The following SNRNP48 variants were observed in gnomAD, a reference collection of about 807,000 sequenced individuals.
SNRNP48 encodes the protein U11/U12 small nuclear ribonucleoprotein 48 kDa protein.
A neutral mutation model predicts 47.0 loss-of-function variants in SNRNP48; 43 were observed. That is an observed-to-expected ratio of 0.92 (90% CI 0.72 to 1.18). The LOEUF (loss-of-function observed/expected upper bound fraction) is 1.18. Ranked by LOEUF, SNRNP48 falls within the 50% of genes most tolerant of loss-of-function variation. SNRNP48 has a pLI of 0.00. For missense variants in SNRNP48, 396 were observed against 422.2 expected (o/e 0.94, Z 0.54); for synonymous variants, 138 against 144.0 (o/e 0.96, Z 0.30).
chr6:7,606,888 TC>T (rs1760138692), intron 8 of SNRNP48, among the ~76,000 whole-genome samples: 1 of 152,250 alleles, frequency 6.6e-6, no homozygotes, highest in Non-Finnish European at 1.5e-5. Context: ...TTTAGATACT[TC>T]CTTCCACTCC....
chr6:7,601,307 T>A (rs200892191), intron 4 of SNRNP48, 29 bp from the exon 5 acceptor site: 1 of 1,524,102 alleles, frequency 6.6e-7, no homozygotes, highest in African/African-American at 1.4e-5. Context: ...CATGTATTGT[T>A]TATTCTTGTG....
chr6:7,599,829 G>T (rs1368575757), intron 4 of SNRNP48: 43 of 1,163,034 alleles, frequency 3.7e-5, no homozygotes, highest in Non-Finnish European at 4.7e-5. Flanking sequence ...TTGGAATTTT[G>T]GTTGAATTAC....
Position 7,590,393 on chromosome 6 carries a change from G to C in SNRNP48, c.136G>C (p.Gly46Arg), listed in dbSNP as rs1425958323. 3 of 1,329,778 alleles carry C rather than the reference G, an allele frequency of 2.3e-6. No individual in the cohort carries two copies. The highest frequency in any genetic ancestry group is 3.6e-5 in the Admixed American group (1 of 27,470). 82.4% of individuals were successfully genotyped at this position (1,329,778 alleles called of 1,614,324 possible). A position where few individuals can be genotyped will look rare whatever the true frequency, so the allele number is the denominator to read the frequency against. ...LGWDLDSLDP[G>R]EEEAAEDEVV... ...CTGGGACCTAGATAGTCTGGATCCC[G>C]GGGAAGAGGAGGCGGCGGAGGTGAG... Residue 46 changes from glycine (G) to arginine (R), a missense_variant, in exon 1 of 9, where the codon GGG (glycine) becomes CGG (arginine). Coordinates refer to ENST00000342415, the MANE Select transcript of SNRNP48 (RefSeq NM_152551.4).
At chr6:7,594,870 C>A (rs1759875115) in intron 3 of SNRNP48, among the ~76,000 whole-genome samples, 157 bp from the exon 4 acceptor site, 2 of 152,212 alleles carry the variant, frequency 1.3e-5, no homozygotes. Flanking sequence ...TGAAAGGATT[C>A]TGTGTTCAGA....
At position 7,605,938 on chromosome 6, in the gene SNRNP48, A is replaced by G. The variant is rs1350928066; in HGVS notation, c.807-93A>G. 8.5e-6 allele frequency: 11 copies of G among 1,297,086 alleles called. No individual in the cohort carries two copies. In the African/African-American group the frequency reaches 1.3e-4, roughly 16 times the overall value. 80.3% of individuals were successfully genotyped at this position (1,297,086 alleles called of 1,614,324 possible). A position where few individuals can be genotyped will look rare whatever the true frequency, so the allele number is the denominator to read the frequency against. Reference sequence around the variant, plus strand: ...AGACCATATCTACCATTGGTTTGATATAGAATATTACACTTTAGACTGGTG... The same window carrying G: ...AGACCATATCTACCATTGGTTTGATGTAGAATATTACACTTTAGACTGGTG... On this transcript the variant is annotated intron_variant, in intron 7 of 8. Coordinates refer to ENST00000342415, the MANE Select transcript of SNRNP48 (RefSeq NM_152551.4).
At chr6:7,607,636 C>G (rs1760155756) in intron 8 of SNRNP48, among the ~76,000 whole-genome samples, 1 of 152,144 alleles carries the variant, frequency 6.6e-6, no homozygotes, top group Admixed American at 6.5e-5. Flanking sequence ...TCATCTTTTC[C>G]ATTTTGTTGC....
intron 5 of SNRNP48, 106 bp downstream of exon 5, chr6:7,601,630 G>T (rs539121111): frequency 1.2e-4 from 141 of 1,186,000 alleles, no homozygotes; most frequent in Non-Finnish European, 1.4e-4. Flanking sequence ...GAGTAAAATG[G>T]TTTTGTATCA....
At position 7,610,318 on chromosome 6, in the gene SNRNP48, G is replaced by A. The variant is rs1297486148; in HGVS notation, c.*1445G>A. On this transcript the variant is annotated 3_prime_UTR_variant, in exon 9 of 9. Coordinates refer to ENST00000342415, the MANE Select transcript of SNRNP48 (RefSeq NM_152551.4). ...CTTCAGGTATGGGAAACAGCTCTCA[G>A]ATTTATAAATTGGAAATCACCAGGT... 2 of 152,106 alleles carry A rather than the reference G, an allele frequency of 1.3e-5. No homozygotes were observed. 9.4% of individuals were successfully genotyped at this position (152,106 alleles called of 1,614,324 possible).
At position 7,609,122 on chromosome 6, in the gene SNRNP48, G is replaced by A; in HGVS notation, c.*249G>A. 1 of 243,776 alleles carries A rather than the reference G, an allele frequency of 4.1e-6. No individual in the cohort carries two copies. Among genetic ancestry groups the A allele is most frequent in the Non-Finnish European group, 7.9e-6 (1 of 126,372 alleles). The allele number at this position is 243,776 out of a possible 1,614,324, so 15.1% of individuals were successfully genotyped here. ...TGATTTGCTTCCTATAACTGATGTT[G>A]TTTTGTTCGTTTTGCTAATATATGT... On this transcript the variant is annotated 3_prime_UTR_variant, in exon 9 of 9. Transcript: ENST00000342415.
intron 4 of SNRNP48, among the ~76,000 whole-genome samples, chr6:7,596,773 A>G (rs1759911638): frequency 6.6e-6 from 1 of 152,212 alleles, no homozygotes; most frequent in Non-Finnish European, 1.5e-5. Context: ...TGACTAGTCA[A>G]GCCTTTTTTG....
At chr6:7,605,342 G>T in intron 6 of SNRNP48, 56 bp from the exon 7 acceptor site, 1 of 1,361,468 alleles carries the variant, frequency 7.3e-7, no homozygotes. Context: ...TAGCGTTACA[G>T]TCTTAATTTT....
chr6:7,597,046 T>A (rs1759916025), intron 4 of SNRNP48, among the ~76,000 whole-genome samples: 1 of 152,224 alleles, frequency 6.6e-6, no homozygotes, highest in South Asian at 2.1e-4. Flanking sequence ...TATTTTTATT[T>A]TTTAAAAGGT....
At position 7,601,455 on chromosome 6, in the gene SNRNP48, C is replaced by T. The variant is rs780760958; in HGVS notation, c.526C>T (p.Arg176Cys). The change falls in exon 5 of 9, where the codon CGC becomes TGC. Residue 176 changes from arginine (R) to cysteine (C), a missense_variant. Arg to Cys is a radical substitution (Grantham distance 180). Transcript: ENST00000342415. ...DFVVEETKKK[R>C]SDSQIIENDS... Reference sequence around the variant, plus strand: ...CGTAGTTGAGGAGACAAAGAAAAAGCGCTCTGATTCTCAAATTATTGAAAA... The same window carrying T: ...CGTAGTTGAGGAGACAAAGAAAAAGTGCTCTGATTCTCAAATTATTGAAAA... The T allele has an allele frequency of 1.6e-5, 25 of 1,601,570 alleles. No individual in the cohort carries two copies. The highest frequency in any genetic ancestry group is 7.9e-5 in the South Asian group (7 of 88,222).
intron 4 of SNRNP48, among the ~76,000 whole-genome samples, chr6:7,598,375 A>G (rs1012570266): frequency 2.6e-5 from 4 of 151,908 alleles, no homozygotes; most frequent in Non-Finnish European, 1.5e-5. Context: ...CGTGCCTGTA[A>G]TCCCAGCTAC....
At chr6:7,602,400 C>G (rs1326956735) in intron 5 of SNRNP48, among the ~76,000 whole-genome samples, 3 of 152,122 alleles carry the variant, frequency 2.0e-5, no homozygotes, top group Admixed American at 2.0e-4. Flanking sequence ...TGTGCTGTTA[C>G]TTTAATCTAT....
chr6:7,590,446 A>G, intron 1 of SNRNP48, 33 bp downstream of exon 1: 1 of 1,277,284 alleles, frequency 7.8e-7, no homozygotes, highest in South Asian at 3.0e-5. Context: ...CCTTTCGGGG[A>G]CTATCGGCCC....
chr6:7,608,816 T>C lies in SNRNP48; in HGVS notation c.972-9T>C. ...TTATAACCATTTTTTTATACCTCTT[T>C]TATTTCAGGGATGGGGAAAGACACC... On this transcript the variant is annotated splice_polypyrimidine_tract_variant and intron_variant, in intron 8 of 8. Coordinates refer to ENST00000342415, the MANE Select transcript of SNRNP48 (RefSeq NM_152551.4). The C allele has an allele frequency of 6.7e-7, 1 of 1,483,282 alleles. No individual in the cohort carries two copies. The highest frequency in any genetic ancestry group is 1.3e-5 in the South Asian group (1 of 78,350). 91.9% of individuals were successfully genotyped at this position (1,483,282 alleles called of 1,614,324 possible).
Position 7,590,347 on chromosome 6 carries a change from G to A in SNRNP48, c.90G>A (p.Glu30=). Residue 30 remains glutamate, a synonymous_variant, in exon 1 of 9, where the codon GAG becomes GAA. Coordinates refer to ENST00000342415, the MANE Select transcript of SNRNP48 (RefSeq NM_152551.4). ...TGGAGAGCGGCTGCCGGACGTTGGA[G>A]GAGGTGACCGCGTCCCTGGGCTGGG... is the stretch of plus-strand genomic sequence containing the variant. ...EFVESGCRTL[E]EVTASLGWDL... 1 of 1,395,356 alleles carries A rather than the reference G, an allele frequency of 7.2e-7. No individual in the cohort carries two copies. Among genetic ancestry groups the A allele is most frequent in the Non-Finnish European group, 9.4e-7 (1 of 1,061,818 alleles). The allele number at this position is 1,395,356 out of a possible 1,614,324, so 86.4% of individuals were successfully genotyped here.
At chr6:7,604,730 G>C (rs892856564) in intron 6 of SNRNP48, among the ~76,000 whole-genome samples, 7 of 152,128 alleles carry the variant, frequency 4.6e-5, no homozygotes, top group African/African-American at 1.7e-4. Context: ...GGGTAAATAG[G>C]AAAGGAAAAA....
Sources: allele counts gnomAD v4.1 joint callset (sites outside exome capture counted in the v4.1 genomes callset), GRCh38; gene constraint gnomAD v4.1.1; transcripts MANE v1.5; gene names NCBI Gene and HGNC (gene_info 2026-07-23, HGNC 2026-07-21).